Variants in ALMS1 observed in about 807,000 individuals in gnomAD.
ALMS1 encodes the protein centrosome-associated protein ALMS1.
Under a neutral mutation model 352.2 loss-of-function variants are expected in ALMS1, and 271 were observed. The ratio of observed to expected loss-of-function variants is 0.77; its 90% CI spans 0.70 to 0.85. The LOEUF is 0.85. Ranked by LOEUF, ALMS1 falls within the 40% of genes least tolerant of loss-of-function variation. The pLI, the probability that ALMS1 is intolerant of heterozygous loss-of-function variation, is 0.00. For missense variants in ALMS1, 5,445 were observed against 4,870.7 expected, an observed-to-expected ratio of 1.12 and a Z score of -3.51; for synonymous variants, 1,865 against 1,761.2, an observed-to-expected ratio of 1.06 and a Z score of -1.48.
chr2:73,503,266 A>T (rs1673253691), intron 10 of ALMS1, among the ~76,000 whole-genome samples: 1 of 151,598 alleles, frequency 6.6e-6, no homozygotes, highest in African/African-American at 2.4e-5. Flanking sequence ...ACCCCACAAC[A>T]GTCCCCAGAG....
intron 16 of ALMS1, among the ~76,000 whole-genome samples, chr2:73,592,311 A>G (rs1458712790): frequency 6.6e-6 from 1 of 152,218 alleles, no homozygotes; most frequent in Admixed American, 6.5e-5. Flanking sequence ...TGCTTCTGCA[A>G]CCTTTTTTCA....
At chr2:73,390,559 T>A (rs1366297710) in intron 1 of ALMS1, among the ~76,000 whole-genome samples, 1 of 152,228 alleles carries the variant, frequency 6.6e-6, no homozygotes, top group African/African-American at 2.4e-5. Flanking sequence ...ACCAGTCTTA[T>A]AACTAAGTCT....
At chr2:73,447,035 C>T (rs946346966) in intron 7 of ALMS1, among the ~76,000 whole-genome samples, 16 of 131,402 alleles carry the variant, frequency 1.2e-4, no homozygotes, top group Admixed American at 9.2e-4. Flanking sequence ...TACAAATTAG[C>T]TCTGTGAGGT....
At chr2:73,539,518 G>A (rs1188413527) in intron 12 of ALMS1, among the ~76,000 whole-genome samples, 1 of 152,198 alleles carries the variant, frequency 6.6e-6, no homozygotes, top group Non-Finnish European at 1.5e-5. Context: ...GAACAAAGCT[G>A]GATGGAGAAT....
At chr2:73,396,667 G>A (rs530802433) in intron 1 of ALMS1, among the ~76,000 whole-genome samples, 107 of 141,392 alleles carry the variant, frequency 7.6e-4, no homozygotes, top group Non-Finnish European at 1.4e-3. Context: ...TTTTTGAGAC[G>A]GAGTCTTGCT....
At chr2:73,419,392 C>G (rs1399706208) in intron 3 of ALMS1, 74 bp downstream of exon 3, 12 of 1,447,336 alleles carry the variant, frequency 8.3e-6, no homozygotes, top group Non-Finnish European at 1.9e-6. Context: ...AGTCTTGTAA[C>G]TTTCCCCTTT....
At position 73,491,476 on chromosome 2, in the gene ALMS1, G is replaced by C; in HGVS notation, c.9517G>C (p.Gly3173Arg). 1.2e-6 allele frequency: 2 copies of C among 1,614,002 alleles called. No individual in the cohort carries two copies. Among genetic ancestry groups the C allele is most frequent in the South Asian group, 2.2e-5 (2 of 91,074 alleles). ...SDFEGHSNPE[G>R]TPVFADRLPE... is the part of the protein sequence containing the mutation. The stretch of plus-strand genomic sequence containing the variant: ...TTTCGAAGGACATTCCAATCCAGAG[G>C]GGACCCCAGTATTTGCAGATCGGTG... The change falls in exon 10 of 23, where the codon GGG becomes CGG. Residue 3173 changes from glycine (G) to arginine (R), a missense_variant. Coordinates refer to ENST00000613296, the MANE Select transcript of ALMS1 (RefSeq NM_001378454.1).
chr2:73,529,946 G>C (rs1197712649), intron 11 of ALMS1, among the ~76,000 whole-genome samples: 1 of 152,004 alleles, frequency 6.6e-6, no homozygotes, highest in South Asian at 2.1e-4. Context: ...CACAACAACA[G>C]CATGAGAGAA....
At chr2:73,402,991 C>T (rs1234706321) in intron 1 of ALMS1, among the ~76,000 whole-genome samples, 3 of 152,072 alleles carry the variant, frequency 2.0e-5, no homozygotes, top group African/African-American at 7.2e-5. Flanking sequence ...AGACTGTCTT[C>T]TCATTTTGTT....
Position 73,572,504 on chromosome 2 carries a change from A to G in ALMS1, c.10627A>G (p.Thr3543Ala). Residue 3543 changes from threonine (T) to alanine (A), a missense_variant, in exon 16 of 23, where the codon ACC (threonine) becomes GCC (alanine). Physicochemically the swap from Thr to Ala is moderately conservative, Grantham distance 58. Coordinates refer to ENST00000613296, the MANE Select transcript of ALMS1 (RefSeq NM_001378454.1). ...QNMDKTKTDY[T>A]RIKSLSINVN... The stretch of plus-strand genomic sequence containing the variant: ...CATGGACAAGACTAAGACAGATTAT[A>G]CCAGAATAAAGAGCCTCAGCATCAA... The G allele has an allele frequency of 6.2e-7, 1 of 1,613,852 alleles. No homozygotes were observed. The highest frequency in any genetic ancestry group is 8.5e-7 in the Non-Finnish European group (1 of 1,179,968).
At chr2:73,482,403 C>T (rs1403674500) in intron 9 of ALMS1, among the ~76,000 whole-genome samples, 1 of 152,136 alleles carries the variant, frequency 6.6e-6, no homozygotes, top group Non-Finnish European at 1.5e-5. Context: ...TATATTGAAC[C>T]AGCCTTGCAT....
chr2:73,569,259 C>CCCCCATTG (rs1053695839), intron 15 of ALMS1, among the ~76,000 whole-genome samples: 4 of 152,068 alleles, frequency 2.6e-5, no homozygotes, highest in Non-Finnish European at 4.4e-5. Context: ...AAGTAAGCCA[C>CCCCCATTG]CCCCATTGGC....
intron 10 of ALMS1, among the ~76,000 whole-genome samples, chr2:73,494,534 A>G (rs1047642672): frequency 6.6e-6 from 1 of 152,192 alleles, no homozygotes; most frequent in African/African-American, 2.4e-5. Flanking sequence ...CTTGCATTTT[A>G]GTTGTCATGT....
rs1674966612 is a variant in ALMS1 at position 73,572,797 on chromosome 2, C to G, written c.10920C>G (p.Ile3640Met). 4 of 1,614,084 alleles carry G rather than the reference C, an allele frequency of 2.5e-6. No individual in the cohort carries two copies. The highest frequency in any genetic ancestry group is 3.4e-6 in the Non-Finnish European group (4 of 1,179,996). ...DRLAKILQNP[I>M]THSLQVSEST... ...TGGCTAAAATTCTTCAGAATCCAAT[C>G]ACACATTCTCTCCAGGTCTCAGAAA... Residue 3640 changes from isoleucine to methionine, a missense_variant, in exon 16 of 23, where the codon ATC (isoleucine) becomes ATG (methionine). Transcript: ENST00000613296.
chr2:73,422,502 G>T (rs911199469), intron 3 of ALMS1, among the ~76,000 whole-genome samples: 6 of 152,160 alleles, frequency 3.9e-5, no homozygotes, highest in Admixed American at 2.0e-4. Flanking sequence ...TTTGCTAAAA[G>T]TTGAAATGCT....
chr2:73,409,121 T>C (rs1310468569), intron 2 of ALMS1, among the ~76,000 whole-genome samples: 1 of 152,046 alleles, frequency 6.6e-6, no homozygotes. Context: ...AAATGATCCT[T>C]CGCCTTGGCC....
rs1463453729 is a variant in ALMS1 at position 73,509,148 on chromosome 2, A to C, written c.9540-10627A>C. On this transcript the variant is annotated intron_variant, in intron 10 of 22. Coordinates refer to ENST00000613296, the MANE Select transcript of ALMS1 (RefSeq NM_001378454.1). Reference sequence around the variant, plus strand: ...ATTTTGAGCCTATGTGTGTCTTTGCACATGAGATGCGTCTCCTGAATACAG... The same window carrying C: ...ATTTTGAGCCTATGTGTGTCTTTGCCCATGAGATGCGTCTCCTGAATACAG... Among the ~76,000 whole-genome samples, 4 of 152,174 alleles carry C rather than the reference A, an allele frequency of 2.6e-5. No individual in the cohort carries two copies. In the East Asian group the frequency reaches 7.7e-4, roughly 29 times the overall value.
At chr2:73,503,025 A>C (rs1015193302) in intron 10 of ALMS1, among the ~76,000 whole-genome samples, 5 of 152,166 alleles carry the variant, frequency 3.3e-5, no homozygotes, top group African/African-American at 1.2e-4. Flanking sequence ...CATGAGAATT[A>C]GGAAATTCAT....
intron 1 of ALMS1, among the ~76,000 whole-genome samples, chr2:73,391,595 G>A (rs996287798): frequency 1.3e-5 from 2 of 152,098 alleles, no homozygotes; most frequent in African/African-American, 2.4e-5. Context: ...GCCTGGCCTT[G>A]TATACGTTTT....
Sources: gnomAD v4.1 joint callset for allele counts (sites outside exome capture counted in the v4.1 genomes callset) on GRCh38, gnomAD v4.1.1 for gene constraint, MANE v1.5 for transcripts, NCBI Gene and HGNC (gene_info 2026-07-23, HGNC 2026-07-21) for gene names.